The following HERC2 variants were observed in gnomAD, a reference collection of about 807,000 sequenced individuals.
HERC2 encodes HECT and RLD domain containing E3 ubiquitin protein ligase 2, also known as E3 ubiquitin-protein ligase HERC2.
In HERC2, 102 loss-of-function variants were observed where a neutral mutation model predicts 537.7. The ratio of observed to expected loss-of-function variants is 0.19; its 90% CI spans 0.16 to 0.22. The LOEUF (loss-of-function observed/expected upper bound fraction) is 0.22, where lower values mean the gene tolerates loss of function less well. Among genes scored for constraint, HERC2 ranks in the 10% least tolerant of loss-of-function variants. HERC2 has a pLI of 1.00. For missense variants in HERC2, 4,236 were observed against 6,198.2 expected (o/e 0.68, Z 10.63); for synonymous variants, 2,224 against 2,466.2 (o/e 0.90, Z 2.91).
At chr15:28,171,867 G>A (rs1236453304) in intron 65 of HERC2, among the ~76,000 whole-genome samples, 1 of 152,102 alleles carries the variant, frequency 6.6e-6, no homozygotes. Flanking sequence ...GAGGTCAGGA[G>A]ATCGATTCTG....
intron 38 of HERC2, among the ~76,000 whole-genome samples, chr15:28,217,350 C>G (rs373911530): frequency 3.3e-5 from 5 of 151,494 alleles, no homozygotes; most frequent in African/African-American, 1.2e-4. Context: ...CCCACACAAC[C>G]ACATGCTACC....
intron 68 of HERC2, among the ~76,000 whole-genome samples, chr15:28,166,813 G>T (rs1894188163): frequency 6.6e-6 from 1 of 152,178 alleles, no homozygotes; most frequent in Non-Finnish European, 1.5e-5. Context: ...GAGTCCCAGT[G>T]ACCAGTCCAT....
chr15:28,149,397 G>A (rs1270946844), intron 70 of HERC2, among the ~76,000 whole-genome samples: 4 of 149,884 alleles, frequency 2.7e-5, no homozygotes, highest in African/African-American at 4.9e-5. Flanking sequence ...CACCGAGAAC[G>A]GCCACACCAA....
At chr15:28,171,350 T>TA (rs1188710147) in intron 65 of HERC2, among the ~76,000 whole-genome samples, 4 of 152,178 alleles carry the variant, frequency 2.6e-5, no homozygotes, top group Non-Finnish European at 5.9e-5. Context: ...ACTCAAAAGT[T>TA]ATACATATAA....
chr15:28,206,832 CAAAAAAAAAAAAAAAAAA>C (rs71132838), intron 44 of HERC2, among the ~76,000 whole-genome samples: 1 of 51,444 alleles, frequency 1.9e-5, no homozygotes, highest in Non-Finnish European at 4.2e-5. Context: ...GACTCGGTCT[CAAAAAAAAAAAAAAAAAA>C]AAAAAAAAAA....
chr15:28,157,914 G>A (rs1026751405), intron 69 of HERC2, among the ~76,000 whole-genome samples: 2 of 152,096 alleles, frequency 1.3e-5, no homozygotes, highest in Non-Finnish European at 2.9e-5. Flanking sequence ...TGCTTTAAAT[G>A]TGTCCCAGAG....
intron 86 of HERC2, among the ~76,000 whole-genome samples, chr15:28,120,449 G>T (rs1176882772): frequency 6.6e-6 from 1 of 152,200 alleles, no homozygotes; most frequent in Non-Finnish European, 1.5e-5. Flanking sequence ...CAAGAGGCGA[G>T]GCCAGTTTCA....
At position 28,228,977 on chromosome 15, in the gene HERC2, A is replaced by C. The variant is rs746508778; in HGVS notation, c.5272+218T>G. On this transcript the variant is annotated intron_variant, in intron 34 of 92. Coordinates refer to ENST00000261609, the MANE Select transcript of HERC2 (RefSeq NM_004667.6). ...TATGTGGTGATACACATCAAAATGT[A>C]AAAATGTTATACTAGAGTACTTCAA... Among the ~76,000 whole-genome samples, 3 of 152,242 alleles carry C rather than the reference A, an allele frequency of 2.0e-5. No individual in the cohort carries two copies. In the South Asian group the frequency reaches 6.2e-4, roughly 31 times the overall value.
At chr15:28,208,943 G>A (rs1376068576) in intron 44 of HERC2, among the ~76,000 whole-genome samples, 5 of 152,086 alleles carry the variant, frequency 3.3e-5, no homozygotes, top group Non-Finnish European at 7.4e-5. Context: ...GACTTTCCCC[G>A]AAAAGACTTA....
At chr15:28,235,860 G>A (rs1158914888) in intron 26 of HERC2, among the ~76,000 whole-genome samples, 1 of 152,126 alleles carries the variant, frequency 6.6e-6, no homozygotes, top group African/African-American at 2.4e-5. Flanking sequence ...CTGCTCACAC[G>A]GATGGACAGA....
chr15:28,193,931 G>C (rs542659477), intron 52 of HERC2, among the ~76,000 whole-genome samples: 28 of 152,200 alleles, frequency 1.8e-4, no homozygotes, highest in African/African-American at 6.3e-4. Flanking sequence ...CTTCAGGCAG[G>C]AGAAAAACAG....
intron 4 of HERC2, among the ~76,000 whole-genome samples, chr15:28,289,423 A>C (rs948385577): frequency 1.3e-5 from 2 of 152,128 alleles, no homozygotes; most frequent in African/African-American, 4.8e-5. Flanking sequence ...AAATACATGA[A>C]GCAAAACCTG....
intron 16 of HERC2, 92 bp from the exon 17 acceptor site, chr15:28,257,353 T>A: frequency 2.0e-6 from 2 of 1,021,798 alleles, no homozygotes; most frequent in Non-Finnish European, 3.0e-6. Flanking sequence ...TGGAGCTGCC[T>A]TATACTATTA....
intron 89 of HERC2, among the ~76,000 whole-genome samples, chr15:28,115,071 C>T (rs1888066671): frequency 6.6e-6 from 1 of 151,828 alleles, no homozygotes; most frequent in South Asian, 2.1e-4. Context: ...AGGGTTCCCT[C>T]CCTGCAGCCG....
chr15:28,298,312 C>G (rs1056035030), intron 3 of HERC2, among the ~76,000 whole-genome samples: 1 of 148,536 alleles, frequency 6.7e-6, no homozygotes, highest in African/African-American at 2.4e-5. Context: ...CGCCACTATG[C>G]CTGGCTAATT....
chr15:28,224,526 G>A (rs1418556048), intron 35 of HERC2, among the ~76,000 whole-genome samples: 1 of 152,114 alleles, frequency 6.6e-6, no homozygotes, highest in Admixed American at 6.6e-5. Context: ...TTTTTGAATG[G>A]ATTAATGTGA....
chr15:28,185,380 G>A (rs747086559), intron 56 of HERC2, among the ~76,000 whole-genome samples: 2 of 152,142 alleles, frequency 1.3e-5, no homozygotes, highest in Non-Finnish European at 2.9e-5. Context: ...GAGGGCCCCG[G>A]TCACACTAGC....
rs764723492 is a variant in HERC2, at chr15:28,130,492, A to G, written c.12662+11T>C. 4 of 1,612,160 alleles carry G rather than the reference A, an allele frequency of 2.5e-6. No individual in the cohort carries two copies. The East Asian group carries it at 6.7e-5, about 27-fold the overall frequency. On this transcript the variant is annotated intron_variant, in intron 82 of 92. Coordinates refer to ENST00000261609, the MANE Select transcript of HERC2 (RefSeq NM_004667.6). Reference sequence around the variant, plus strand: ...GTTTTAGTGGGTTTAAACAAACAGAATCTTGCGTACCAGGTATAAACAGCT... The same window carrying G: ...GTTTTAGTGGGTTTAAACAAACAGAGTCTTGCGTACCAGGTATAAACAGCT...
At chr15:28,287,719 C>CTTT (rs766216433) in intron 4 of HERC2, among the ~76,000 whole-genome samples, 1 of 124,822 alleles carries the variant, frequency 8.0e-6, no homozygotes, top group Non-Finnish European at 1.6e-5. Flanking sequence ...ACTTATTCCT[C>CTTT]TTTTTTTTTT....
Sources: allele counts gnomAD v4.1 joint callset (sites outside exome capture counted in the v4.1 genomes callset), GRCh38; gene constraint gnomAD v4.1.1; transcripts MANE v1.5; gene names NCBI Gene and HGNC (gene_info 2026-07-23, HGNC 2026-07-21).